SIMC1: variants seen among roughly 807,000 people sequenced by gnomAD.
The protein encoded by SIMC1 is SUMO interacting motifs containing 1.
Under a neutral mutation model 82.3 loss-of-function variants are expected in SIMC1, and 55 were observed. The ratio of observed to expected loss-of-function variants is 0.67; its 90% CI spans 0.54 to 0.84. The LOEUF (loss-of-function observed/expected upper bound fraction) is 0.84. Among genes scored for constraint, SIMC1 ranks in the 40% least tolerant of loss-of-function variants. The pLI is 0.00. For synonymous variants in SIMC1, 353 were observed against 426.3 expected, an observed-to-expected ratio of 0.83 and a Z score of 2.12; for missense variants, 915 against 1,107.2, an observed-to-expected ratio of 0.83 and a Z score of 2.46.
intron 4 of SIMC1, chr5:176,313,149 A>T: frequency 2.2e-6 from 1 of 446,922 alleles, no homozygotes; most frequent in Non-Finnish European, 3.3e-6. Context: ...CCAAGCCAAC[A>T]GACTTGGCTC....
At chr5:176,289,508 A>G (rs1763446789) in intron 1 of SIMC1, 146 bp from the exon 2 acceptor site, 9 of 643,206 alleles carry the variant, frequency 1.4e-5, no homozygotes, top group Non-Finnish European at 1.8e-5. Flanking sequence ...TGGCAATACT[A>G]TTGCTTATGT....
intron 1 of SIMC1, among the ~76,000 whole-genome samples, chr5:176,247,824 T>C (rs1210659348): frequency 1.3e-5 from 2 of 151,862 alleles, no homozygotes; most frequent in East Asian, 3.9e-4. Context: ...TTTCTGCATA[T>C]GGCTAGCCAG....
chr5:176,345,075 T>C, intron 9 of SIMC1, 108 bp from the exon 10 acceptor site: 2 of 1,417,194 alleles, frequency 1.4e-6, no homozygotes, highest in Non-Finnish European at 1.9e-6. Flanking sequence ...TGTATCCCTG[T>C]AGCTAGTCAG....
rs1765919353 is a variant in SIMC1, at chr5:176,336,839, A to G, written c.2291A>G (p.Tyr764Cys). The G allele has an allele frequency of 2.5e-6, 4 of 1,613,858 alleles. No homozygotes were observed. The highest frequency in any genetic ancestry group is 1.3e-5 in the African/African-American group (1 of 74,994). ...CCTCTGTCTCTGGCCCAGGCCCTCT[A>G]CTTTCTGAATAATTCTACGTCACTG... ...RLPLSLAQAL[Y>C]FLNNSTSLLK... The change falls in exon 8 of 10, where the codon TAC becomes TGC. Residue 764 changes from tyrosine (Y) to cysteine (C), a missense_variant. Transcript: ENST00000429602.
At chr5:176,305,222 C>T (rs1293306600) in intron 4 of SIMC1, among the ~76,000 whole-genome samples, 2 of 78,100 alleles carry the variant, frequency 2.6e-5, no homozygotes, top group Admixed American at 1.1e-4. Context: ...CCAGCCGCCC[C>T]GTCTGGGAGG....
intron 5 of SIMC1, among the ~76,000 whole-genome samples, chr5:176,314,702 G>A (rs150700166): frequency 3.0e-4 from 45 of 152,276 alleles, no homozygotes; most frequent in African/African-American, 5.3e-4. Flanking sequence ...GATCTTTAGG[G>A]TAGGGGATTG....
intron 6 of SIMC1, among the ~76,000 whole-genome samples, chr5:176,323,017 C>T (rs1271004623): frequency 6.6e-6 from 1 of 152,174 alleles, no homozygotes; most frequent in Non-Finnish European, 1.5e-5. Flanking sequence ...CACAAATAAC[C>T]CAGTATTCCA....
At chr5:176,266,115 TGAGAAATCA>T in intron 1 of SIMC1, among the ~76,000 whole-genome samples, 1 of 152,230 alleles carries the variant, frequency 6.6e-6, no homozygotes, top group Non-Finnish European at 1.5e-5. Flanking sequence ...GAGGGCCCGG[TGAGAAATCA>T]GGCAGATACC....
intron 4 of SIMC1, among the ~76,000 whole-genome samples, chr5:176,312,155 A>C (rs1764689578): frequency 6.6e-6 from 1 of 152,266 alleles, no homozygotes; most frequent in Admixed American, 6.5e-5. Context: ...GACTTCTAGA[A>C]GAATGAGTTA....
chr5:176,327,979 A>C (rs1161394931), intron 7 of SIMC1, among the ~76,000 whole-genome samples: 2 of 152,206 alleles, frequency 1.3e-5, no homozygotes, highest in Non-Finnish European at 2.9e-5. Flanking sequence ...GATGGATTCA[A>C]GTTGCTAATA....
chr5:176,296,145 G>A (rs1763804130), intron 3 of SIMC1, 106 bp from the exon 4 acceptor site: 1 of 1,575,910 alleles, frequency 6.3e-7, no homozygotes, highest in Admixed American at 1.8e-5. Context: ...AGAGCATGGA[G>A]GATAATGGAG....
At chr5:176,255,049 A>ACC (rs1761802981) in intron 1 of SIMC1, among the ~76,000 whole-genome samples, 1 of 151,580 alleles carries the variant, frequency 6.6e-6, no homozygotes, top group African/African-American at 2.4e-5. Flanking sequence ...GGCCGAGGTG[A>ACC]GCAGATCACC....
chr5:176,323,351 C>T (rs972417363), intron 6 of SIMC1, among the ~76,000 whole-genome samples: 1 of 152,098 alleles, frequency 6.6e-6, no homozygotes, highest in African/African-American at 2.4e-5. Context: ...TAACAATCAT[C>T]ATAATAAATG....
chr5:176,272,172 C>CAAA (rs1162307977), intron 1 of SIMC1, among the ~76,000 whole-genome samples: 280 of 19,958 alleles, frequency 0.014, 48 homozygotes, highest in African/African-American at 0.037. Context: ...CCCATCTCTA[C>CAAA]AAAAAAAAAA....
chr5:176,305,136 A>AGCGGGGGGGGGG (rs1428016379), intron 4 of SIMC1, among the ~76,000 whole-genome samples: 2 of 32,686 alleles, frequency 6.1e-5, no homozygotes, highest in Admixed American at 3.0e-4. Flanking sequence ...GCCATCCAGG[A>AGCGGGGGGGGGG]GGGGGGGGGG....
intron 4 of SIMC1, among the ~76,000 whole-genome samples, chr5:176,311,955 T>TA (rs1764682348): frequency 6.6e-6 from 1 of 152,188 alleles, no homozygotes; most frequent in Non-Finnish European, 1.5e-5. Context: ...AACATCCTTA[T>TA]CTTCCAAAAT....
intron 1 of SIMC1, among the ~76,000 whole-genome samples, chr5:176,275,980 G>T (rs1324227135): frequency 3.3e-5 from 5 of 151,624 alleles, no homozygotes; most frequent in African/African-American, 1.2e-4. Flanking sequence ...GATGATGCTG[G>T]CCTCATAAAA....
chr5:176,299,935 A>G (rs950655608), intron 4 of SIMC1, among the ~76,000 whole-genome samples: 1 of 152,214 alleles, frequency 6.6e-6, no homozygotes, highest in Non-Finnish European at 1.5e-5. Context: ...GTATCTTCCA[A>G]TCACAATGGG....
At chr5:176,255,767 C>G (rs1761835103) in intron 1 of SIMC1, among the ~76,000 whole-genome samples, 1 of 145,490 alleles carries the variant, frequency 6.9e-6, no homozygotes, top group Non-Finnish European at 1.5e-5. Context: ...GTAAGAAAGC[C>G]AAGAGCACAG....
Sources: gnomAD v4.1 joint callset for allele counts (sites outside exome capture counted in the v4.1 genomes callset) on GRCh38, gnomAD v4.1.1 for gene constraint, MANE v1.5 for transcripts, NCBI Gene and HGNC (gene_info 2026-07-23, HGNC 2026-07-21) for gene names.